The following SLC22A4 variants were observed in gnomAD, a reference collection of about 807,000 sequenced individuals.
SLC22A4 encodes solute carrier family 22 member 4.
In SLC22A4, 39 loss-of-function variants were observed where a neutral mutation model predicts 56.6. The ratio of observed to expected loss-of-function variants is 0.69; its 90% confidence interval spans 0.53 to 0.90. The LOEUF (loss-of-function observed/expected upper bound fraction) is 0.90, where lower values mean the gene tolerates loss of function less well. SLC22A4 is among the 40% of genes least tolerant of loss of function. SLC22A4 has a pLI of 0.00. For missense variants in SLC22A4, 594 were observed against 696.5 expected, an observed-to-expected ratio of 0.85 and a Z score of 1.66; for synonymous variants, 241 against 281.4, an observed-to-expected ratio of 0.86 and a Z score of 1.44.
At chr5:132,306,558 G>A (rs1289484007) in intron 1 of SLC22A4, among the ~76,000 whole-genome samples, 16 of 149,920 alleles carry the variant, frequency 1.1e-4, no homozygotes, top group African/African-American at 3.9e-4. Flanking sequence ...CAACTCTCCT[G>A]CCTCAGTCTC....
Position 132,294,912 on chromosome 5 carries a change from C to T in SLC22A4, c.296C>T (p.Pro99Leu), listed in dbSNP as rs1208264925. The change falls in exon 1 of 10, where the codon CCG becomes CTG. Residue 99 changes from proline (P) to leucine (L), a missense_variant. Coordinates refer to ENST00000200652, the MANE Select transcript of SLC22A4 (RefSeq NM_003059.3). The surrounding 1 kb of genome is among the most constrained non-coding windows in gnomAD (Gnocchi z 5.6). ...IANFSALGLE[P>L]GRDVDLGQLE... ...AACTTCTCGGCGCTCGGGCTGGAGC[C>T]GGGGCGCGACGTGGACCTGGGGCAG... is the stretch of plus-strand genomic sequence containing the variant. 3.1e-6 allele frequency: 5 copies of T among 1,595,266 alleles called. No homozygotes were observed. Among genetic ancestry groups the T allele is most frequent in the Non-Finnish European group, 4.3e-6 (5 of 1,171,752 alleles).
At chr5:132,314,520 T>C (rs555483279) in intron 3 of SLC22A4, among the ~76,000 whole-genome samples, 2 of 152,272 alleles carry the variant, frequency 1.3e-5, no homozygotes, top group East Asian at 3.9e-4. Context: ...GTGAGGGGTA[T>C]CCCTGGGACA....
chr5:132,322,290 CA>C lies in SLC22A4; in HGVS notation c.760del (p.Arg254GlufsTer10). ...TGCTGCCACTGTTTGCTTACTTCAT[CA>C]GAGACTGGCGGATGCTGCTGCTGGC... Reference protein sequence around the residue: ...MLLPLFAYFIRDWRMLLLALT... With the variant: ...MLLPLFAYFIXDWRMLLLALT... On this transcript the variant is annotated frameshift_variant, in exon 4 of 10. Coordinates refer to ENST00000200652, the MANE Select transcript of SLC22A4 (RefSeq NM_003059.3). LOFTEE classifies it high-confidence loss of function. 1 of 1,614,080 alleles carries C rather than the reference CA, an allele frequency of 6.2e-7. No individual in the cohort carries two copies.
intron 9 of SLC22A4, 104 bp downstream of exon 9, chr5:132,340,804 T>A: frequency 8.9e-7 from 1 of 1,126,456 alleles, no homozygotes; most frequent in Non-Finnish European, 1.3e-6. Context: ...AAGTAGAGAC[T>A]AGCTCTATCA....
chr5:132,335,483 G>A (rs1054597262), intron 7 of SLC22A4, among the ~76,000 whole-genome samples: 1 of 152,112 alleles, frequency 6.6e-6, no homozygotes, highest in African/African-American at 2.4e-5. Context: ...AGAAAGGATT[G>A]GTCCTCCTCT....
At chr5:132,295,532 G>A in intron 1 of SLC22A4, 2 of 342,670 alleles carry the variant, frequency 5.8e-6, no homozygotes, top group Admixed American at 4.0e-5. Flanking sequence ...GACAGCAGAT[G>A]GCCTCCTGAG....
rs1432188062 is a variant in SLC22A4 at position 132,312,092 on chromosome 5, T to C, written c.394-69T>C. ...GCCCGCCAGCCGTGCTAATATTCCC[T>C]CAGAGCTGGGCTGGGGTTGAGGTCT... On this transcript the variant is annotated intron_variant, in intron 1 of 9. Transcript: ENST00000200652. 5.4e-6 allele frequency: 5 copies of C among 932,044 alleles called. No individual in the cohort carries two copies. The Admixed American group carries it at 6.8e-5, about 13-fold the overall frequency. The allele number at this position is 932,044 out of a possible 1,614,324, so 57.7% of individuals were successfully genotyped here.
chr5:132,337,568 C>G (rs1051722265), intron 8 of SLC22A4, among the ~76,000 whole-genome samples: 1 of 94,770 alleles, frequency 1.1e-5, no homozygotes, highest in Non-Finnish European at 2.3e-5. Flanking sequence ...TGAGCCACAG[C>G]ACCTGGCCTA....
intron 1 of SLC22A4, among the ~76,000 whole-genome samples, chr5:132,303,675 T>G (rs1749957735): frequency 6.6e-6 from 1 of 152,208 alleles, no homozygotes; most frequent in African/African-American, 2.4e-5. Context: ...CCTATTCATA[T>G]AGTAGAGACT....
chr5:132,294,719 A>G lies in SLC22A4; in HGVS notation c.103A>G (p.Asn35Asp). The change falls in exon 1 of 10, where the codon AAT becomes GAT. Residue 35 changes from asparagine (N) to aspartate (D), a missense_variant. By Grantham distance (23) the Asn-to-Asp change is conservative. Coordinates refer to ENST00000200652, the MANE Select transcript of SLC22A4 (RefSeq NM_003059.3). This position sits in a 1 kb window ranked among gnomAD's most constrained non-coding sequence, Gnocchi z 5.6. ...LSASIIPNGF[N>D]GMSVVFLAGT... is the part of the protein sequence containing the mutation. ...CGCCAGCATCATCCCCAATGGCTTCAATGGTATGTCAGTCGTGTTCCTGGC... is the reference window on the plus strand; with the variant it reads ...CGCCAGCATCATCCCCAATGGCTTCGATGGTATGTCAGTCGTGTTCCTGGC... The G allele has an allele frequency of 6.2e-7, 1 of 1,614,054 alleles. No individual in the cohort carries two copies. Among genetic ancestry groups the G allele is most frequent in the Non-Finnish European group, 8.5e-7 (1 of 1,180,002 alleles).
chr5:132,304,059 T>C (rs1580820852), intron 1 of SLC22A4, among the ~76,000 whole-genome samples: 1 of 152,168 alleles, frequency 6.6e-6, no homozygotes, highest in Non-Finnish European at 1.5e-5. Context: ...AATGAACCCA[T>C]AATGCAGCTA....
chr5:132,340,512 T>G (rs1232530673), intron 8 of SLC22A4, 53 bp from the exon 9 acceptor site: 14 of 1,556,546 alleles, frequency 9.0e-6, no homozygotes, highest in Non-Finnish European at 1.1e-5. Context: ...TGCTCAAGAG[T>G]GCCCAGAGAG....
intron 1 of SLC22A4, chr5:132,295,302 C>T (rs2126695202): frequency 1.6e-6 from 1 of 624,920 alleles, no homozygotes; most frequent in Non-Finnish European, 3.1e-6. Context: ...CTAGATGTTG[C>T]GTTGGGGGAA....
At chr5:132,313,581 A>C (rs767388930) in intron 2 of SLC22A4, 33 bp from the exon 3 acceptor site, 9 of 1,609,612 alleles carry the variant, frequency 5.6e-6, no homozygotes, top group Admixed American at 1.7e-5. Context: ...CAACCTACAC[A>C]TCTCATGTTT....
intron 4 of SLC22A4, among the ~76,000 whole-genome samples, chr5:132,325,225 G>A (rs1481227664): frequency 2.0e-5 from 3 of 152,182 alleles, no homozygotes; most frequent in Non-Finnish European, 4.4e-5. Flanking sequence ...GAGGTATATC[G>A]TGGCTGTGTA....
rs35260072 is a variant in SLC22A4, at chr5:132,295,159, A to C, written c.393+150A>C. The C allele has an allele frequency of 0.34, 306,720 of 908,342 alleles. 61,531 individuals carry two copies. The highest frequency in any genetic ancestry group is 0.42 in the Non-Finnish European group (237,241 of 560,118). 56.3% of individuals were successfully genotyped at this position (908,342 alleles called of 1,614,324 possible). On this transcript the variant is annotated intron_variant, in intron 1 of 9. Transcript: ENST00000200652. ...ACTTCCAGCAGCGGGTGTGCACCCC[A>C]AGAAAGAATAGGACTCACGCGAGGC...
At chr5:132,313,446 T>G (rs528144935) in intron 2 of SLC22A4, among the ~76,000 whole-genome samples, 168 bp from the exon 3 acceptor site, 1 of 152,194 alleles carries the variant, frequency 6.6e-6, no homozygotes, top group African/African-American at 2.4e-5. Context: ...CCTGAGCAGA[T>G]GGATGCCTGA....
At chr5:132,318,508 C>A (rs1750431002) in intron 3 of SLC22A4, among the ~76,000 whole-genome samples, 1 of 152,130 alleles carries the variant, frequency 6.6e-6, no homozygotes, top group Non-Finnish European at 1.5e-5. Context: ...AGTCTTGTTT[C>A]TTGAGCTGGG....
chr5:132,305,228 A>G (rs556220511), intron 1 of SLC22A4, among the ~76,000 whole-genome samples: 1 of 152,362 alleles, frequency 6.6e-6, no homozygotes, highest in African/African-American at 2.4e-5. Flanking sequence ...AAATTATGCA[A>G]TCCAAAGAAC....
Sources: allele counts gnomAD v4.1 joint callset (sites outside exome capture counted in the v4.1 genomes callset), GRCh38; gene constraint gnomAD v4.1.1; non-coding constraint Gnocchi (gnomAD v3.1); transcripts MANE v1.5; gene names NCBI Gene and HGNC (gene_info 2026-07-23, HGNC 2026-07-21).